The following MARS2 variants were observed in gnomAD, a reference collection of about 807,000 sequenced individuals.
The protein encoded by MARS2 is methionyl-tRNA synthetase 2, mitochondrial, also known as methionine--tRNA ligase, mitochondrial.
In MARS2, 33 loss-of-function variants were observed where a neutral mutation model predicts 43.8. The observed-to-expected ratio is 0.75, with a 90% CI of 0.57 to 1.01. The LOEUF (loss-of-function observed/expected upper bound fraction) is 1.01, where lower values mean the gene tolerates loss of function less well. MARS2 is among the 50% of genes least tolerant of loss of function. MARS2 has a pLI of 0.00. For synonymous variants in MARS2, 351 were observed against 325.5 expected (o/e 1.08, Z -0.84); for missense variants, 720 against 763.0 (o/e 0.94, Z 0.66).
At position 197,706,867 on chromosome 2, in the gene MARS2, C is replaced by T. The variant is rs764477389; in HGVS notation, c.1462C>T (p.Gln488Ter). The T allele has an allele frequency of 1.2e-6, 2 of 1,614,154 alleles. No individual in the cohort carries two copies. Among genetic ancestry groups the T allele is most frequent in the Non-Finnish European group, 1.7e-6 (2 of 1,180,034 alleles). ...SCVRQTNGFV[Q>*]RHAPWKLNWE... ...TGTCCGGCAAACTAATGGTTTTGTC[C>T]AAAGGCATGCACCATGGAAGCTGAA... The change falls in exon 1 of 1, where the codon CAA becomes TAA. Residue 488 changes from glutamine to a stop codon, truncating the protein, a stop_gained. Coordinates refer to ENST00000282276, the MANE Select transcript of MARS2 (RefSeq NM_138395.4). LOFTEE classifies it high-confidence loss of function.
chr2:197,706,652 A>C lies in MARS2; in HGVS notation c.1247A>C (p.Asn416Thr), dbSNP rs863224062. ...LLNRCTAKRINPSETYPAFCT... is the reference protein window; with the variant it reads ...LLNRCTAKRITPSETYPAFCT... Reference sequence around the variant, plus strand: ...AACCGATGCACTGCCAAAAGAATAAATCCTTCTGAGACCTACCCAGCCTTC... The same window carrying C: ...AACCGATGCACTGCCAAAAGAATAACTCCTTCTGAGACCTACCCAGCCTTC... The change falls in exon 1 of 1, where the codon AAT becomes ACT. Residue 416 changes from asparagine to threonine, a missense_variant. Physicochemically the swap from Asn to Thr is moderately conservative, Grantham distance 65. Coordinates refer to ENST00000282276, the MANE Select transcript of MARS2 (RefSeq NM_138395.4). 1.4e-5 allele frequency: 23 copies of C among 1,613,972 alleles called. No homozygotes were observed. The highest frequency in any genetic ancestry group is 1.9e-5 in the Non-Finnish European group (23 of 1,180,020).
chr2:197,707,493 A>G lies in MARS2; in HGVS notation c.*306A>G, dbSNP rs978335880. 5 of 279,948 alleles carry G rather than the reference A, an allele frequency of 1.8e-5. No homozygotes were observed. Among genetic ancestry groups the G allele is most frequent in the Admixed American group, 1.0e-4 (2 of 19,898 alleles). 17.3% of individuals were successfully genotyped at this position (279,948 alleles called of 1,614,324 possible). On this transcript the variant is annotated 3_prime_UTR_variant, in exon 1 of 1. Transcript: ENST00000282276. ...CTTCCAAACCACAGTTATTTGCCCA[A>G]ACTACCTCTCGTGGCTGGTTTTTCA...
chr2:197,706,068 A>G lies in MARS2; in HGVS notation c.663A>G (p.Pro221=), dbSNP rs780849877. Residue 221 remains proline, a synonymous_variant, in exon 1 of 1, where the codon CCA becomes CCG. Transcript: ENST00000282276. ...YIFRLSQFRK[P]LQRWLRGNPQ... ...TCAGGCTTTCCCAGTTCCGGAAGCC[A>G]CTCCAGCGGTGGCTGCGGGGCAACC... 2.5e-6 allele frequency: 4 copies of G among 1,614,084 alleles called. No homozygotes were observed. The highest frequency in any genetic ancestry group is 2.2e-5 in the South Asian group (2 of 91,088).
rs1428006446 is a variant in MARS2, at chr2:197,705,528, T to G, written c.123T>G (p.Cys41Trp). The G allele has an allele frequency of 6.2e-7, 1 of 1,613,102 alleles. No individual in the cohort carries two copies. The highest frequency in any genetic ancestry group is 8.5e-7 in the Non-Finnish European group (1 of 1,179,988). The change falls in exon 1 of 1, where the codon TGT (cysteine) becomes TGG (tryptophan). Residue 41 changes from cysteine to tryptophan, a missense_variant. By Grantham distance (215) the Cys-to-Trp change is radical. Coordinates refer to ENST00000282276, the MANE Select transcript of MARS2 (RefSeq NM_138395.4). ...CCCTCAGTGCCGGCGATGATGCTTG[T>G]GATGTGCGCGCCTACTTCACTACAC... ...SGSLSAGDDA[C>W]DVRAYFTTPI...
In MARS2 at chr2:197,706,177, A is replaced by G. The variant is rs1336815683; in HGVS notation, c.772A>G (p.Arg258Gly). Residue 258 changes from arginine to glycine, a missense_variant, in exon 1 of 1, where the codon AGA (arginine) becomes GGA (glycine). Arg to Gly is a moderately radical substitution (Grantham distance 125). Coordinates refer to ENST00000282276, the MANE Select transcript of MARS2 (RefSeq NM_138395.4). ...EELPDLSVSR[R>G]SSHLHWGIPV... ...GCTGCCCGACCTGTCCGTGTCTCGC[A>G]GAAGTAGCCACTTGCACTGGGGCAT... The G allele has an allele frequency of 6.2e-7, 1 of 1,614,230 alleles. No individual in the cohort carries two copies. The highest frequency in any genetic ancestry group is 1.7e-5 in the Admixed American group (1 of 60,032).
Position 197,706,900 on chromosome 2 carries a change from A to G in MARS2, c.1495A>G (p.Ser499Gly). 6.2e-7 allele frequency: 1 copy of G among 1,614,134 alleles called. No homozygotes were observed. Among genetic ancestry groups the G allele is most frequent in the Non-Finnish European group, 8.5e-7 (1 of 1,180,032 alleles). The change falls in exon 1 of 1, where the codon AGC becomes GGC. Residue 499 changes from serine to glycine, a missense_variant. Coordinates refer to ENST00000282276, the MANE Select transcript of MARS2 (RefSeq NM_138395.4). ...TGCACCATGGAAGCTGAACTGGGAG[A>G]GCCCAGTGGATGCTCCCTGGCTGGG... is the stretch of plus-strand genomic sequence containing the variant. ...RHAPWKLNWE[S>G]PVDAPWLGTV...
Position 197,706,873 on chromosome 2 carries a change from C to A in MARS2, c.1468C>A (p.His490Asn). 1.2e-6 allele frequency: 2 copies of A among 1,614,206 alleles called. No individual in the cohort carries two copies. Among genetic ancestry groups the A allele is most frequent in the Non-Finnish European group, 1.7e-6 (2 of 1,180,044 alleles). The change falls in exon 1 of 1, where the codon CAT becomes AAT. Residue 490 changes from histidine to asparagine, a missense_variant. Transcript: ENST00000282276. ...VRQTNGFVQR[H>N]APWKLNWESP... ...GCAAACTAATGGTTTTGTCCAAAGG[C>A]ATGCACCATGGAAGCTGAACTGGGA...
Position 197,706,768 on chromosome 2 carries a change from A to G in MARS2, c.1363A>G (p.Thr455Ala), listed in dbSNP as rs778227365. The change falls in exon 1 of 1, where the codon ACT (threonine) becomes GCT (alanine). Residue 455 changes from threonine (T) to alanine (A), a missense_variant. Transcript: ENST00000282276. ...TTATGCTCTGGTGAGCGCAGTGGCC[A>G]CTTTGCCAAAGCAGGTAGCAGACCA... is the stretch of plus-strand genomic sequence containing the variant. ...EDYALVSAVA[T>A]LPKQVADHYD... 2.5e-6 allele frequency: 4 copies of G among 1,614,102 alleles called. No individual in the cohort carries two copies. In the South Asian group the frequency reaches 4.4e-5, roughly 18 times the overall value.
In MARS2 at chr2:197,705,876, C is replaced by T. The variant is rs35544931; in HGVS notation, c.471C>T (p.Arg157=). The T allele has an allele frequency of 3.1e-3, 5,045 of 1,614,022 alleles. 152 individuals are homozygous for T. The African/African-American group carries it at 0.059, about 19-fold the overall frequency. ...VQHFWGVLKS[R]GLLYKGVYEG... ...ACTTCTGGGGGGTGCTTAAGTCCCG[C>T]GGTCTGCTCTACAAGGGCGTCTATG... The change falls in exon 1 of 1, where the codon CGC becomes CGT. Residue 157 remains arginine (R), a synonymous_variant. Transcript: ENST00000282276.
Position 197,705,662 on chromosome 2 carries a change from C to T in MARS2, c.257C>T (p.Thr86Met), listed in dbSNP as rs1276870688. Residue 86 changes from threonine to methionine, a missense_variant, in exon 1 of 1, where the codon ACG (threonine) becomes ATG (methionine). Thr to Met is a moderately conservative substitution (Grantham distance 81). Coordinates refer to ENST00000282276, the MANE Select transcript of MARS2 (RefSeq NM_138395.4). ...CTCCGAGGTCCCAGCACGGCCGCCA[C>T]GCGATTCTCCACTGGTACCGACGAG... ...RRLRGPSTAA[T>M]RFSTGTDEHG... The T allele has an allele frequency of 6.2e-7, 1 of 1,611,452 alleles. No homozygotes were observed. Among genetic ancestry groups the T allele is most frequent in the Non-Finnish European group, 8.5e-7 (1 of 1,180,014 alleles).
In MARS2 at chr2:197,706,909, G is replaced by A; in HGVS notation, c.1504G>A (p.Asp502Asn). The change falls in exon 1 of 1, where the codon GAT (aspartate) becomes AAT (asparagine). Residue 502 changes from aspartate to asparagine, a missense_variant. By Grantham distance (23) the Asp-to-Asn change is conservative. Transcript: ENST00000282276. The stretch of plus-strand genomic sequence containing the variant: ...GAAGCTGAACTGGGAGAGCCCAGTG[G>A]ATGCTCCCTGGCTGGGTACTGTGCT... ...PWKLNWESPV[D>N]APWLGTVLHV... The A allele has an allele frequency of 1.2e-6, 2 of 1,614,198 alleles. No homozygotes were observed. Among genetic ancestry groups the A allele is most frequent in the Non-Finnish European group, 1.7e-6 (2 of 1,180,044 alleles).
Position 197,706,336 on chromosome 2 carries a change from G to C in MARS2, c.931G>C (p.Asp311His). 6.2e-7 allele frequency: 1 copy of C among 1,614,226 alleles called. No individual in the cohort carries two copies. The highest frequency in any genetic ancestry group is 8.5e-7 in the Non-Finnish European group (1 of 1,180,056). The change falls in exon 1 of 1, where the codon GAC (aspartate) becomes CAC (histidine). Residue 311 changes from aspartate to histidine, a missense_variant. By Grantham distance (81) the Asp-to-His change is moderately conservative. Coordinates refer to ENST00000282276, the MANE Select transcript of MARS2 (RefSeq NM_138395.4). ...GGCCACCTCTCATATCATAGGTAAG[G>C]ACATTCTCAAATTCCATGCCATCTA... ...WPATSHIIGK[D>H]ILKFHAIYWP...
rs1437516243 is a variant in MARS2 at position 197,705,906 on chromosome 2, T to C, written c.501T>C (p.Gly167=). ...TGCTCTACAAGGGCGTCTATGAAGG[T>C]TGGTATTGCGCTTCCGACGAGTGCT... ...RGLLYKGVYE[G]WYCASDECFL... The change falls in exon 1 of 1, where the codon GGT becomes GGC. Residue 167 remains glycine, a synonymous_variant. Transcript: ENST00000282276. 4 of 1,613,966 alleles carry C rather than the reference T, an allele frequency of 2.5e-6. No homozygotes were observed. The highest frequency in any genetic ancestry group is 3.4e-6 in the Non-Finnish European group (4 of 1,180,026).
In MARS2 at chr2:197,706,819, G is replaced by T. The variant is rs746927385; in HGVS notation, c.1414G>T (p.Ala472Ser). ...CTATGATAACTTTCGGATATATAAG[G>T]CTCTGGAGGCCGTGTCCAGCTGTGT... is the stretch of plus-strand genomic sequence containing the variant. ...DHYDNFRIYK[A>S]LEAVSSCVRQ... Residue 472 changes from alanine (A) to serine (S), a missense_variant, in exon 1 of 1, where the codon GCT becomes TCT. Coordinates refer to ENST00000282276, the MANE Select transcript of MARS2 (RefSeq NM_138395.4). 2 of 1,614,132 alleles carry T rather than the reference G, an allele frequency of 1.2e-6. No individual in the cohort carries two copies. The highest frequency in any genetic ancestry group is 8.5e-7 in the Non-Finnish European group (1 of 1,180,040).
rs1402990585 is a variant in MARS2 at position 197,706,489 on chromosome 2, C to T, written c.1084C>T (p.Leu362Phe). Residue 362 changes from leucine to phenylalanine, a missense_variant, in exon 1 of 1, where the codon CTT becomes TTT. Physicochemically the swap from Leu to Phe is conservative, Grantham distance 22. Coordinates refer to ENST00000282276, the MANE Select transcript of MARS2 (RefSeq NM_138395.4). The part of the protein sequence containing the change: ...LGNVVDPRTC[L>F]NRYTVDGFRY... ...CAACGTGGTGGATCCTAGGACTTGC[C>T]TTAACCGCTATACCGTGGATGGCTT... 19 of 1,613,818 alleles carry T rather than the reference C, an allele frequency of 1.2e-5. No individual in the cohort carries two copies. The East Asian group carries it at 4.0e-4, about 34-fold the overall frequency.
In MARS2 at chr2:197,706,758, C is replaced by A; in HGVS notation, c.1353C>A (p.Ser451Arg). ...RAQAEDYALV[S>R]AVATLPKQVA... is the part of the protein sequence containing the mutation. ...AGGCAGAGGATTATGCTCTGGTGAG[C>A]GCAGTGGCCACTTTGCCAAAGCAGG... The change falls in exon 1 of 1, where the codon AGC becomes AGA. Residue 451 changes from serine (S) to arginine (R), a missense_variant. Transcript: ENST00000282276. The A allele has an allele frequency of 6.2e-7, 1 of 1,614,018 alleles. No homozygotes were observed.
At position 197,705,816 on chromosome 2, in the gene MARS2, C is replaced by A. The variant is rs757827428; in HGVS notation, c.411C>A (p.Arg137=). 23 of 1,613,694 alleles carry A rather than the reference C, an allele frequency of 1.4e-5. No individual in the cohort carries two copies. Among genetic ancestry groups the A allele is most frequent in the Middle Eastern group, 1.6e-4 (1 of 6,084 alleles). The change falls in exon 1 of 1, where the codon CGC becomes CGA. Residue 137 remains arginine, a synonymous_variant. Coordinates refer to ENST00000282276, the MANE Select transcript of MARS2 (RefSeq NM_138395.4). ...GTATCTCCTGCACAGATTTCATCCG[C>A]ACCACGGAGGCCCGGCACCGGGTGG... is the stretch of plus-strand genomic sequence containing the variant. ...EAGISCTDFI[R]TTEARHRVAV...
chr2:197,705,505 C>T lies in MARS2; in HGVS notation c.100C>T (p.Leu34Phe), dbSNP rs751541779. The change falls in exon 1 of 1, where the codon CTC (leucine) becomes TTC (phenylalanine). Residue 34 changes from leucine to phenylalanine, a missense_variant. By Grantham distance (22) the Leu-to-Phe change is conservative. Coordinates refer to ENST00000282276, the MANE Select transcript of MARS2 (RefSeq NM_138395.4). ...FGPRYYSSGS[L>F]SAGDDACDVR... Reference sequence around the variant, plus strand: ...CCCACGCTACTACAGTTCGGGCTCCCTCAGTGCCGGCGATGATGCTTGTGA... The same window carrying T: ...CCCACGCTACTACAGTTCGGGCTCCTTCAGTGCCGGCGATGATGCTTGTGA... 3.1e-6 allele frequency: 5 copies of T among 1,613,200 alleles called. No individual in the cohort carries two copies. Among genetic ancestry groups the T allele is most frequent in the Non-Finnish European group, 2.5e-6 (3 of 1,180,006 alleles).
Position 197,706,717 on chromosome 2 carries a change from C to T in MARS2, c.1312C>T (p.Pro438Ser). The change falls in exon 1 of 1, where the codon CCG becomes TCG. Residue 438 changes from proline (P) to serine (S), a missense_variant. Transcript: ENST00000282276. ...CCCTAGTGAGCCAGGGTTGGTGGGG[C>T]CGTCAGTTCGTGCTCAGGCAGAGGA... ...CFPSEPGLVG[P>S]SVRAQAEDYA... The T allele has an allele frequency of 3.1e-6, 5 of 1,614,002 alleles. No individual in the cohort carries two copies. The highest frequency in any genetic ancestry group is 1.1e-5 in the South Asian group (1 of 91,088).
Sources: gnomAD v4.1 joint callset for allele counts on GRCh38, gnomAD v4.1.1 for gene constraint, MANE v1.5 for transcripts, NCBI Gene and HGNC (gene_info 2026-07-23, HGNC 2026-07-21) for gene names.